Variants in OPCML observed in about 807,000 individuals in gnomAD.
OPCML encodes the protein opioid binding protein/cell adhesion molecule like, also known as opioid-binding protein/cell adhesion molecule.
Under a neutral mutation model 37.8 loss-of-function variants are expected in OPCML, and 13 were observed. The ratio of observed to expected loss-of-function variants is 0.34; its 90% confidence interval spans 0.22 to 0.55. The LOEUF (loss-of-function observed/expected upper bound fraction) is 0.55. OPCML is among the 20% of genes least tolerant of loss of function. OPCML has a pLI of 0.91. For synonymous variants in OPCML, 176 were observed against 168.8 expected, an observed-to-expected ratio of 1.04 and a Z score of -0.33; for missense variants, 341 against 435.6, an observed-to-expected ratio of 0.78 and a Z score of 1.93.
At chr11:132,984,310 T>G (rs1472455065) in intron 1 of OPCML, among the ~76,000 whole-genome samples, 2 of 152,194 alleles carry the variant, frequency 1.3e-5, no homozygotes, top group Admixed American at 1.3e-4. Flanking sequence ...TAAGATGAAT[T>G]TCACAAATAT....
intron 1 of OPCML, among the ~76,000 whole-genome samples, chr11:133,074,115 A>G (rs1293662986): frequency 6.6e-6 from 1 of 152,250 alleles, no homozygotes; most frequent in East Asian, 1.9e-4. Context: ...CCTTGGGGCC[A>G]TACAGAATAA....
chr11:133,494,117 A>T (rs1001038004), intron 1 of OPCML, among the ~76,000 whole-genome samples: 2 of 152,222 alleles, frequency 1.3e-5, no homozygotes, highest in African/African-American at 4.8e-5. Flanking sequence ...AACACATAAA[A>T]AAATGCTCAC....
intron 2 of OPCML, among the ~76,000 whole-genome samples, chr11:132,700,446 GT>G (rs1943761689): frequency 6.6e-6 from 1 of 151,840 alleles, no homozygotes; most frequent in African/African-American, 2.4e-5. Flanking sequence ...ACTTGAAGCT[GT>G]TTTTGCTGCA....
intron 1 of OPCML, among the ~76,000 whole-genome samples, chr11:133,147,417 C>T (rs938870653): frequency 3.3e-5 from 5 of 152,082 alleles, no homozygotes; most frequent in Admixed American, 2.0e-4. Flanking sequence ...GGAGGTGCAT[C>T]TTGAGCAGAC....
chr11:133,475,933 C>T (rs915591446), intron 1 of OPCML, among the ~76,000 whole-genome samples: 24 of 152,076 alleles, frequency 1.6e-4, no homozygotes, highest in African/African-American at 5.1e-4. Flanking sequence ...GTGGAGCCTC[C>T]CAGGGGCAAT....
intron 2 of OPCML, among the ~76,000 whole-genome samples, chr11:132,715,770 C>T (rs1425370125): frequency 2.6e-5 from 4 of 152,108 alleles, no homozygotes; most frequent in Admixed American, 6.5e-5. Flanking sequence ...GTTAATAGAC[C>T]ATCTGTCCGT....
At chr11:133,507,428 CT>C (rs1317400486) in intron 1 of OPCML, among the ~76,000 whole-genome samples, 1 of 152,178 alleles carries the variant, frequency 6.6e-6, no homozygotes, top group East Asian at 1.9e-4. Flanking sequence ...CTGCAGTCTT[CT>C]TTTGTAGAGA....
At position 132,806,245 on chromosome 11, in the gene OPCML, G is replaced by GACTT. The variant is rs1251542273; in HGVS notation, c.146+136677_146+136680dup. Among the ~76,000 whole-genome samples, 5 of 152,126 alleles carry GACTT rather than the reference G, an allele frequency of 3.3e-5. No individual in the cohort carries two copies. In the South Asian group the frequency reaches 8.3e-4, roughly 25 times the overall value. On this transcript the variant is annotated intron_variant, in intron 2 of 7. Transcript: ENST00000524381. ...CAAAAAACCAAATTGCCATATGGTA[G>GACTT]ACTTAAATCAAACCAAAACAATAAT...
intron 1 of OPCML, among the ~76,000 whole-genome samples, chr11:133,498,780 A>G (rs530542818): frequency 1.1e-3 from 174 of 152,346 alleles, no homozygotes; most frequent in African/African-American, 4.0e-3. Flanking sequence ...GGATTTAAGC[A>G]TGAGAAATGA....
intron 2 of OPCML, among the ~76,000 whole-genome samples, chr11:132,700,784 T>A (rs1388495787): frequency 6.6e-6 from 1 of 152,202 alleles, no homozygotes; most frequent in African/African-American, 2.4e-5. Context: ...GTTCTGTATG[T>A]GTCTGTTAGG....
chr11:132,948,528 G>C (rs970775170), intron 1 of OPCML, among the ~76,000 whole-genome samples: 2 of 152,084 alleles, frequency 1.3e-5, no homozygotes, highest in Non-Finnish European at 2.9e-5. Flanking sequence ...GTGGGGTATG[G>C]GTTTTGGATG....
chr11:133,337,047 T>C (rs147873427), intron 1 of OPCML, among the ~76,000 whole-genome samples: 2 of 152,196 alleles, frequency 1.3e-5, no homozygotes, highest in Non-Finnish European at 2.9e-5. Flanking sequence ...AGGCACAGCA[T>C]CTTATCTTAG....
At chr11:132,624,033 C>G (rs1023919427) in intron 3 of OPCML, among the ~76,000 whole-genome samples, 4 of 152,232 alleles carry the variant, frequency 2.6e-5, no homozygotes, top group African/African-American at 9.6e-5. Context: ...TGTTTCAGCA[C>G]TGCTAAGTGT....
intron 1 of OPCML, among the ~76,000 whole-genome samples, chr11:133,347,807 G>A (rs762187750): frequency 2.0e-4 from 30 of 152,176 alleles, no homozygotes; most frequent in Admixed American, 3.3e-4. Flanking sequence ...TATACTTGGG[G>A]GTGAGATCAA....
chr11:132,832,783 G>A (rs760171148), intron 2 of OPCML, among the ~76,000 whole-genome samples: 23 of 152,144 alleles, frequency 1.5e-4, no homozygotes. Flanking sequence ...TAGGCTACAC[G>A]GGAGAGCCTG....
chr11:133,428,589 A>G (rs1158130763), intron 1 of OPCML, among the ~76,000 whole-genome samples: 2 of 152,236 alleles, frequency 1.3e-5, no homozygotes, highest in African/African-American at 4.8e-5. Flanking sequence ...AAGCAGGAAA[A>G]AAAGCATAGA....
intron 2 of OPCML, among the ~76,000 whole-genome samples, chr11:132,839,248 T>C (rs1330003537): frequency 2.6e-5 from 4 of 152,076 alleles, no homozygotes. Context: ...CCTTGGGAAA[T>C]CAGGTGGGAC....
intron 2 of OPCML, among the ~76,000 whole-genome samples, chr11:132,906,887 G>A (rs551314838): frequency 3.0e-4 from 45 of 152,182 alleles, no homozygotes; most frequent in Non-Finnish European, 4.3e-4. Flanking sequence ...ATGTAATAGA[G>A]GGTAGTGGGG....
At chr11:132,503,073 C>A (rs1489953506) in intron 4 of OPCML, among the ~76,000 whole-genome samples, 1 of 152,096 alleles carries the variant, frequency 6.6e-6, no homozygotes, top group Non-Finnish European at 1.5e-5. Flanking sequence ...CTGGGGTCTT[C>A]CCCCGCTATT....
Sources: gnomAD v4.1 joint callset for allele counts (sites outside exome capture counted in the v4.1 genomes callset) on GRCh38, gnomAD v4.1.1 for gene constraint, MANE v1.5 for transcripts, NCBI Gene and HGNC (gene_info 2026-07-23, HGNC 2026-07-21) for gene names.